Variants in RXRA observed in about 807,000 individuals in gnomAD.
RXRA encodes the protein retinoid X receptor alpha, also known as retinoic acid receptor RXR-alpha.
A neutral mutation model predicts 44.5 loss-of-function variants in RXRA; 5 were observed. The observed-to-expected ratio is 0.11, with a 90% CI of 0.06 to 0.24. The LOEUF is 0.24. RXRA is among the 10% of genes least tolerant of loss of function. The probability of loss-of-function intolerance (pLI) is 1.00; values close to 1 mark genes in which losing one functional copy is unlikely to be tolerated. For synonymous variants in RXRA, 291 were observed against 271.4 expected, an observed-to-expected ratio of 1.07 and a Z score of -0.71; for missense variants, 412 against 646.5, an observed-to-expected ratio of 0.64 and a Z score of 3.93.
intron 4 of RXRA, among the ~76,000 whole-genome samples, chr9:134,411,372 C>T (rs1198214930): frequency 2.6e-5 from 4 of 152,220 alleles, no homozygotes; most frequent in Non-Finnish European, 5.9e-5. Context: ...TGGTGCCCAT[C>T]GGTGACTGGG....
intron 1 of RXRA, among the ~76,000 whole-genome samples, chr9:134,345,993 C>T (rs1830146318): frequency 6.6e-6 from 1 of 152,112 alleles, no homozygotes; most frequent in South Asian, 2.1e-4. Flanking sequence ...ACATGTGCGT[C>T]TTACGGTGTT....
At chr9:134,396,788 C>T (rs948240257) in intron 1 of RXRA, among the ~76,000 whole-genome samples, 3 of 152,304 alleles carry the variant, frequency 2.0e-5, no homozygotes, top group Non-Finnish European at 2.9e-5. Flanking sequence ...TTGGATGGTC[C>T]GGGTGTCCTC....
intron 1 of RXRA, among the ~76,000 whole-genome samples, chr9:134,346,493 G>A (rs1830153749): frequency 6.6e-6 from 1 of 152,168 alleles, no homozygotes; most frequent in African/African-American, 2.4e-5. Context: ...GCACTCACCA[G>A]GTCCTGCCAG....
chr9:134,349,819 C>T lies in RXRA; in HGVS notation c.28+23160C>T, dbSNP rs1284657605. 3.0e-3 allele frequency among the ~76,000 whole-genome samples: 9 copies of T among 3,010 alleles called. No homozygotes were observed. The highest frequency in any genetic ancestry group is 3.9e-3 in the Non-Finnish European group (7 of 1,802). 2.0% of individuals were successfully genotyped at this position (3,010 alleles called of 152,430 possible). On this transcript the variant is annotated intron_variant, in intron 1 of 9. Coordinates refer to ENST00000481739, the MANE Select transcript of RXRA (RefSeq NM_002957.6). This position sits in a 1 kb window ranked among gnomAD's most constrained non-coding sequence, Gnocchi z 4.3. ...GAGGAGGGGCAGAGCTGGGCTAGCT[C>T]GGGTGGGCGGGCGGGTGCCGCAGGC...
rs1168234173 is a variant in RXRA, at chr9:134,437,502, G to C, written c.*888G>C. 6.6e-6 allele frequency: 1 copy of C among 152,480 alleles called. No individual in the cohort carries two copies. The highest frequency in any genetic ancestry group is 2.4e-5 in the African/African-American group (1 of 41,454). The allele number at this position is 152,480 out of a possible 1,614,324, so 9.4% of individuals were successfully genotyped here. ...GCAGGGCTGGCCCTGGCTCGGGCAG[G>C]GTGGGGCATCACCACCTCACTGGCC... On this transcript the variant is annotated 3_prime_UTR_variant, in exon 10 of 10. Transcript: ENST00000481739.
Position 134,426,644 on chromosome 9 carries a change from G to C in RXRA, c.911-2464G>C. On this transcript the variant is annotated intron_variant, in intron 6 of 9. Transcript: ENST00000481739. The surrounding 1 kb of genome is among the most constrained non-coding windows in gnomAD (Gnocchi z 4.6). ...AGGCCCCTCTGCTGGGCACACCAGA[G>C]TTTCAGAGGCGAGTCTACCCTGGTG... The C allele has an allele frequency of 2.0e-6, 2 of 985,444 alleles. No individual in the cohort carries two copies. Among genetic ancestry groups the C allele is most frequent in the Non-Finnish European group, 2.4e-6 (2 of 829,936 alleles). The allele number at this position is 985,444 out of a possible 1,614,324, so 61.0% of individuals were successfully genotyped here.
At chr9:134,434,251 T>C in intron 9 of RXRA, 44 bp downstream of exon 9, 1 of 1,426,086 alleles carries the variant, frequency 7.0e-7, no homozygotes, top group Non-Finnish European at 9.9e-7. Flanking sequence ...CCCAGGCTCT[T>C]GTCTCCAGAG....
intron 2 of RXRA, chr9:134,406,394 G>GAAAAAAA (rs761124899): frequency 9.2e-6 from 1 of 108,486 alleles, no homozygotes. Context: ...CCCTGTTTCG[G>GAAAAAAA]AAAAAAAAAA....
Position 134,384,832 on chromosome 9 carries a change from C to T in RXRA, c.29-16800C>T, listed in dbSNP as rs73554171. On this transcript the variant is annotated intron_variant, in intron 1 of 9. Transcript: ENST00000481739. ...CCCTGTGCTCAGGCGGGGCAGTGCC[C>T]TCCTGTGGTTCAGGGCCAGCCTGGC... Among the ~76,000 whole-genome samples, 890 of 152,344 alleles carry T rather than the reference C, an allele frequency of 5.8e-3. 12 individuals carry two copies. Among genetic ancestry groups the T allele is most frequent in the African/African-American group, 0.021 (857 of 41,572 alleles).
intron 1 of RXRA, among the ~76,000 whole-genome samples, chr9:134,396,304 C>T (rs1287502700): frequency 2.0e-5 from 3 of 152,174 alleles, no homozygotes; most frequent in African/African-American, 7.2e-5. Context: ...CCTTCCTCTT[C>T]CTCCTACACT....
At chr9:134,389,149 C>T (rs907460610) in intron 1 of RXRA, among the ~76,000 whole-genome samples, 6 of 152,232 alleles carry the variant, frequency 3.9e-5, no homozygotes, top group African/African-American at 7.2e-5. Flanking sequence ...AGCTCGCTCC[C>T]GTCCCCTGCC....
intron 5 of RXRA, among the ~76,000 whole-genome samples, chr9:134,418,199 T>A (rs948924120): frequency 2.0e-5 from 3 of 152,078 alleles, no homozygotes; most frequent in African/African-American, 7.2e-5. Context: ...ACCCCACCTG[T>A]CCCAGGCCCC....
chr9:134,376,774 G>T (rs1439072836), intron 1 of RXRA, among the ~76,000 whole-genome samples: 2 of 152,188 alleles, frequency 1.3e-5, no homozygotes, highest in Non-Finnish European at 2.9e-5. Context: ...CTGGCTCCTT[G>T]CAGCTGAGAC....
chr9:134,340,811 A>G (rs950025417), intron 1 of RXRA, among the ~76,000 whole-genome samples: 5 of 152,034 alleles, frequency 3.3e-5, no homozygotes, highest in African/African-American at 9.7e-5. Context: ...TCTTCTGCGG[A>G]ATTCTGCGCC....
rs540374192 is a variant in RXRA at position 134,434,128 on chromosome 9, G to A, written c.1162G>A (p.Glu388Lys). The A allele has an allele frequency of 3.3e-5, 53 of 1,613,656 alleles. No individual in the cohort carries two copies. Among genetic ancestry groups the A allele is most frequent in the Non-Finnish European group, 4.2e-5 (50 of 1,179,898 alleles). The change falls in exon 9 of 10, where the codon GAG (glutamate) becomes AAG (lysine). Residue 388 changes from glutamate to lysine, a missense_variant. By Grantham distance (56) the Glu-to-Lys change is moderately conservative. This residue lies in a region of RXRA where 141 missense variants were observed against 270.8 expected (regional missense o/e 0.52). Transcript: ENST00000481739. ...CTCCAAGGGGCTCTCGAACCCGGCCGAGGTGGAGGCGCTGAGGGAGAAGGT... is the reference window on the plus strand; with the variant it reads ...CTCCAAGGGGCTCTCGAACCCGGCCAAGGTGGAGGCGCTGAGGGAGAAGGT... ...PDSKGLSNPA[E>K]VEALREKVYA...
intron 1 of RXRA, among the ~76,000 whole-genome samples, chr9:134,328,828 C>T (rs1834956228): frequency 6.6e-6 from 1 of 152,154 alleles, no homozygotes; most frequent in Admixed American, 6.5e-5. Context: ...GTAGAGAGGG[C>T]TTCCTCCTCC....
intron 1 of RXRA, chr9:134,380,192 G>A (rs976733112): frequency 9.1e-6 from 9 of 985,242 alleles, no homozygotes; most frequent in African/African-American, 1.7e-5. Flanking sequence ...GCCCCCCGCG[G>A]TGTAGGCCGG....
In RXRA at chr9:134,437,649, C is replaced by T. The variant is rs867093962; in HGVS notation, c.*1035C>T. 1.5e-4 allele frequency: 23 copies of T among 152,344 alleles called. No individual in the cohort carries two copies. The highest frequency in any genetic ancestry group is 5.3e-4 in the African/African-American group (22 of 41,454). 9.4% of individuals were successfully genotyped at this position (152,344 alleles called of 1,614,324 possible). Reference sequence around the variant, plus strand: ...GGCAGGTGGCCTGGAGAGAGAGGGGCTCAGGAACTGGGAGCCTCGTGGGTG... The same window carrying T: ...GGCAGGTGGCCTGGAGAGAGAGGGGTTCAGGAACTGGGAGCCTCGTGGGTG... On this transcript the variant is annotated 3_prime_UTR_variant, in exon 10 of 10. Coordinates refer to ENST00000481739, the MANE Select transcript of RXRA (RefSeq NM_002957.6).
In RXRA at chr9:134,326,674, G is replaced by C; in HGVS notation, c.28+15G>C. ...CCTGCCGCTCGGTGAGTGCTCGCCG[G>C]GCCGGGCGGGGACGGGGCCGGGGGC... On this transcript the variant is annotated intron_variant, in intron 1 of 9. Transcript: ENST00000481739. 1 of 919,700 alleles carries C rather than the reference G, an allele frequency of 1.1e-6. No homozygotes were observed. The highest frequency in any genetic ancestry group is 4.8e-5 in the South Asian group (1 of 20,770). The allele number at this position is 919,700 out of a possible 1,614,324, so 57.0% of individuals were successfully genotyped here.
Sources: allele counts gnomAD v4.1 joint callset (sites outside exome capture counted in the v4.1 genomes callset), GRCh38; gene constraint gnomAD v4.1.1; regional missense constraint gnomAD v4.1.1; non-coding constraint Gnocchi (gnomAD v3.1); transcripts MANE v1.5; gene names NCBI Gene and HGNC (gene_info 2026-07-23, HGNC 2026-07-21).